The following RAPGEF4 variants were observed in gnomAD, a reference collection of about 807,000 sequenced individuals.
RAPGEF4 encodes Rap guanine nucleotide exchange factor 4.
In RAPGEF4, 66 loss-of-function variants were observed where a neutral mutation model predicts 147.9. The ratio of observed to expected loss-of-function variants is 0.45; its 90% CI spans 0.37 to 0.55. The LOEUF is 0.55. RAPGEF4 is among the 20% of genes least tolerant of loss of function. RAPGEF4 has a pLI of 0.00. For synonymous variants in RAPGEF4, 419 were observed against 442.7 expected, an observed-to-expected ratio of 0.95 and a Z score of 0.67; for missense variants, 1,071 against 1,257.3, an observed-to-expected ratio of 0.85 and a Z score of 2.24.
At chr2:173,039,450 G>A (rs563863555) in intron 29 of RAPGEF4, among the ~76,000 whole-genome samples, 3 of 151,072 alleles carry the variant, frequency 2.0e-5, no homozygotes, top group South Asian at 2.1e-4. Context: ...GGGAGACAGC[G>A]AGACTCTGTC....
intron 1 of RAPGEF4, among the ~76,000 whole-genome samples, chr2:172,749,766 C>T (rs1212193987): frequency 6.6e-6 from 1 of 152,166 alleles, no homozygotes; most frequent in African/African-American, 2.4e-5. Flanking sequence ...CTGTGAATTT[C>T]CCGAACTTTT....
chr2:172,826,445 T>C (rs1031323935), intron 4 of RAPGEF4, among the ~76,000 whole-genome samples: 1 of 152,244 alleles, frequency 6.6e-6, no homozygotes, highest in African/African-American at 2.4e-5. Context: ...TTTTTGCCTA[T>C]GCTTAGCTTT....
At chr2:172,797,485 T>C in intron 2 of RAPGEF4, 40 bp from the exon 3 acceptor site, 1 of 1,531,190 alleles carries the variant, frequency 6.5e-7, no homozygotes, top group Non-Finnish European at 9.0e-7. Context: ...TAAAACCAAG[T>C]TGTATCTGTT....
At chr2:172,974,336 G>A (rs1395674424) in intron 10 of RAPGEF4, among the ~76,000 whole-genome samples, 1 of 152,098 alleles carries the variant, frequency 6.6e-6, no homozygotes, top group Non-Finnish European at 1.5e-5. Flanking sequence ...TGGACTCATG[G>A]GTTTATGCTT....
intron 1 of RAPGEF4, among the ~76,000 whole-genome samples, chr2:172,745,883 G>A (rs576848542): frequency 1.3e-5 from 2 of 152,282 alleles, no homozygotes; most frequent in Admixed American, 1.3e-4. Flanking sequence ...ATTCAGCAGT[G>A]AGTTTCACAG....
chr2:173,034,598 G>T (rs946690458), intron 27 of RAPGEF4, among the ~76,000 whole-genome samples: 2 of 152,136 alleles, frequency 1.3e-5, no homozygotes, highest in South Asian at 2.1e-4. Flanking sequence ...ATCAGGCCAG[G>T]CGCAGTGGTT....
intron 4 of RAPGEF4, among the ~76,000 whole-genome samples, chr2:172,832,942 G>T (rs780118123): frequency 1.1e-4 from 16 of 152,194 alleles, no homozygotes; most frequent in Non-Finnish European, 1.8e-4. Context: ...CCAGTTGGGC[G>T]CGGTGGCTCA....
chr2:172,970,368 C>A (rs1164594614), intron 10 of RAPGEF4, among the ~76,000 whole-genome samples: 1 of 152,068 alleles, frequency 6.6e-6, no homozygotes, highest in Non-Finnish European at 1.5e-5. Flanking sequence ...CTTTCTACTG[C>A]CGAAAGTGCT....
intron 4 of RAPGEF4, among the ~76,000 whole-genome samples, chr2:172,856,837 T>C (rs1487745532): frequency 6.6e-6 from 1 of 152,200 alleles, no homozygotes; most frequent in Non-Finnish European, 1.5e-5. Context: ...CTCTGGTTTC[T>C]CAACCAGGAA....
chr2:173,031,195 G>A (rs1697157623), intron 26 of RAPGEF4, among the ~76,000 whole-genome samples: 1 of 152,072 alleles, frequency 6.6e-6, no homozygotes, highest in Non-Finnish European at 1.5e-5. Flanking sequence ...TCCATTGTTT[G>A]TAGGGCAGGT....
At chr2:172,902,884 G>T (rs114281798) in intron 4 of RAPGEF4, among the ~76,000 whole-genome samples, 1 of 152,132 alleles carries the variant, frequency 6.6e-6, no homozygotes, top group Non-Finnish European at 1.5e-5. Flanking sequence ...ACACAGAGCT[G>T]TATTACGGTG....
intron 1 of RAPGEF4, among the ~76,000 whole-genome samples, chr2:172,794,631 T>C (rs1183296044): frequency 6.6e-6 from 1 of 152,206 alleles, no homozygotes; most frequent in East Asian, 1.9e-4. Context: ...TTCCCTTATA[T>C]CTTGCTCTTT....
At chr2:172,959,162 C>G (rs540211155) in intron 6 of RAPGEF4, among the ~76,000 whole-genome samples, 1 of 152,332 alleles carries the variant, frequency 6.6e-6, no homozygotes, top group Non-Finnish European at 1.5e-5. Flanking sequence ...AATAACCTAA[C>G]AGTGCTATTG....
At chr2:172,798,648 C>CTTTTTTTTTTTTTTTTTTTTTTTTTTGAG (rs1268901656) in intron 3 of RAPGEF4, among the ~76,000 whole-genome samples, 1 of 151,848 alleles carries the variant, frequency 6.6e-6, no homozygotes, top group Non-Finnish European at 1.5e-5. Flanking sequence ...GAGGCTTTTT[C>CTTTTTTTTTTTTTTTTTTTTTTTTTTGAG]ATAGGTAGCA....
chr2:172,814,755 C>T, intron 4 of RAPGEF4: 2 of 317,758 alleles, frequency 6.3e-6, no homozygotes, highest in South Asian at 3.2e-5. Context: ...AATACTTTGA[C>T]ATTTTCTTTT....
At chr2:172,841,826 C>G (rs1432212554) in intron 4 of RAPGEF4, among the ~76,000 whole-genome samples, 1 of 102,220 alleles carries the variant, frequency 9.8e-6, no homozygotes, top group Non-Finnish European at 2.0e-5. Flanking sequence ...ACTACACACA[C>G]ACTACACACA....
At chr2:172,953,678 A>G (rs1448956207) in intron 6 of RAPGEF4, among the ~76,000 whole-genome samples, 2 of 152,100 alleles carry the variant, frequency 1.3e-5, no homozygotes, top group Non-Finnish European at 2.9e-5. Flanking sequence ...GCTATTAAAG[A>G]TTAGTCATGT....
At chr2:172,955,643 C>T (rs1264047423) in intron 6 of RAPGEF4, among the ~76,000 whole-genome samples, 1 of 152,152 alleles carries the variant, frequency 6.6e-6, no homozygotes, top group Non-Finnish European at 1.5e-5. Flanking sequence ...GGGGTCCATG[C>T]CTTTCGGGGC....
chr2:172,763,346 GC>G (rs1696522288), intron 1 of RAPGEF4, among the ~76,000 whole-genome samples: 3 of 152,284 alleles, frequency 2.0e-5, no homozygotes, highest in Non-Finnish European at 2.9e-5. Flanking sequence ...TGATGCCGGG[GC>G]TCAGTCCTTA....
Sources: gnomAD v4.1 joint callset for allele counts (sites outside exome capture counted in the v4.1 genomes callset) on GRCh38, gnomAD v4.1.1 for gene constraint, MANE v1.5 for transcripts, NCBI Gene and HGNC (gene_info 2026-07-23, HGNC 2026-07-21) for gene names.